FTCDNL1: variants seen among roughly 807,000 people sequenced by gnomAD.
FTCDNL1 encodes the protein formiminotransferase cyclodeaminase N-terminal like.
Under a neutral mutation model 5.9 loss-of-function variants are expected in FTCDNL1, and 11 were observed. The ratio of observed to expected loss-of-function variants is 1.87; its 90% CI spans 1.18 to 3.10. The LOEUF is 3.10. Ranked by LOEUF, FTCDNL1 falls within the 30% of genes most tolerant of loss-of-function variation. The pLI is 0.00. For missense variants in FTCDNL1, 115 were observed against 65.5 expected (o/e 1.76, Z -2.61); for synonymous variants, 58 against 24.8 (o/e 2.34, Z -3.99).
the FTCDNL1 span, among the ~76,000 whole-genome samples, chr2:199,715,222 A>G: frequency 7.2e-5 from 11 of 152,220 alleles, no homozygotes; most frequent in East Asian, 2.1e-3. Context: ...ATTTTGTCTT[A>G]TATATATATG....
At chr2:199,797,816 G>GA (rs1700246256) in intron 3 of FTCDNL1, among the ~76,000 whole-genome samples, 1 of 152,222 alleles carries the variant, frequency 6.6e-6, no homozygotes, top group East Asian at 1.9e-4. Flanking sequence ...AGCCGGGAGA[G>GA]AAAAGCTCCA....
chr2:199,824,726 G>A (rs1479739409), intron 3 of FTCDNL1, among the ~76,000 whole-genome samples: 1 of 152,186 alleles, frequency 6.6e-6, no homozygotes, highest in Admixed American at 6.5e-5. Context: ...GAAGAGAGAT[G>A]GGGGAACAGC....
the FTCDNL1 span, among the ~76,000 whole-genome samples, chr2:199,747,247 G>A: frequency 3.3e-5 from 5 of 152,140 alleles, no homozygotes. Context: ...ATTTTCCTGA[G>A]CTCAAATGTT....
the FTCDNL1 span, among the ~76,000 whole-genome samples, chr2:199,733,344 C>A: frequency 6.6e-6 from 1 of 152,124 alleles, no homozygotes; most frequent in Non-Finnish European, 1.5e-5. Flanking sequence ...TGAAGAGTAC[C>A]ATAGACTGGA....
At chr2:199,829,838 A>G (rs1175621118) in intron 3 of FTCDNL1, among the ~76,000 whole-genome samples, 1 of 152,206 alleles carries the variant, frequency 6.6e-6, no homozygotes, top group Non-Finnish European at 1.5e-5. Flanking sequence ...GAACTTAGAA[A>G]AAAGACCTCA....
chr2:199,752,958 A>G, the FTCDNL1 span, among the ~76,000 whole-genome samples: 1 of 152,110 alleles, frequency 6.6e-6, no homozygotes, highest in Non-Finnish European at 1.5e-5. Flanking sequence ...ACAGCAGTGT[A>G]TCTAATTGGT....
Position 199,846,108 on chromosome 2 carries a change from C to T in FTCDNL1, c.178G>A (p.Val60Ile). ...TCAACAGAAGTTGCTATTGTAATGA[C>T]TGATCTCTTGTAGTCTTGATCGGAA... ...IFSDQDYKRS[V>I]ITIATSVDKL... The change falls in exon 3 of 5, where the codon GTC (valine) becomes ATC (isoleucine). Residue 60 changes from valine (V) to isoleucine (I), a missense_variant. By Grantham distance (29) the Val-to-Ile change is conservative. Transcript: ENST00000420128. 1.4e-6 allele frequency: 1 copy of T among 699,602 alleles called. No homozygotes were observed. The highest frequency in any genetic ancestry group is 2.6e-6 in the Non-Finnish European group (1 of 383,846). The allele number at this position is 699,602 out of a possible 1,614,324, so 43.3% of individuals were successfully genotyped here.
the FTCDNL1 span, among the ~76,000 whole-genome samples, chr2:199,752,940 C>T: frequency 1.3e-5 from 2 of 152,088 alleles, no homozygotes; most frequent in South Asian, 2.1e-4. Flanking sequence ...TAGTTTTTCT[C>T]GTCTGACACA....
chr2:199,810,688 T>G lies in FTCDNL1; in HGVS notation c.*2017A>C, dbSNP rs1700986075. Reference sequence around the variant, plus strand: ...GATGGACAACTTGGTTAAATTAGCATTGGTATAAAAAGCTTACATTTGCAG... The same window carrying G: ...GATGGACAACTTGGTTAAATTAGCAGTGGTATAAAAAGCTTACATTTGCAG... On this transcript the variant is annotated 3_prime_UTR_variant, in exon 5 of 5. Coordinates refer to ENST00000420128, the MANE Select transcript of FTCDNL1 (RefSeq NM_001363886.2). Among the ~76,000 whole-genome samples the G allele has an allele frequency of 1.3e-5, 2 of 152,220 alleles. No homozygotes were observed. Among genetic ancestry groups the G allele is most frequent in the Admixed American group, 6.5e-5 (1 of 15,284 alleles).
At chr2:199,722,276 T>G in the FTCDNL1 span, among the ~76,000 whole-genome samples, 1 of 152,244 alleles carries the variant, frequency 6.6e-6, no homozygotes, top group Non-Finnish European at 1.5e-5. Context: ...CATTTAAGTC[T>G]TTGGTGCATC....
At chr2:199,745,380 C>A in the FTCDNL1 span, among the ~76,000 whole-genome samples, 4 of 152,066 alleles carry the variant, frequency 2.6e-5, no homozygotes, top group Admixed American at 6.5e-5. Flanking sequence ...TCTATTTGTC[C>A]CAAGATGCCT....
At chr2:199,680,910 ACT>A in the FTCDNL1 span, among the ~76,000 whole-genome samples, 7 of 151,744 alleles carry the variant, frequency 4.6e-5, no homozygotes, top group African/African-American at 1.7e-4. Flanking sequence ...TCACCTGCTC[ACT>A]CTCTTTCCTA....
the FTCDNL1 span, among the ~76,000 whole-genome samples, chr2:199,690,013 T>C: frequency 6.6e-6 from 1 of 152,210 alleles, no homozygotes; most frequent in African/African-American, 2.4e-5. Context: ...AGAATTGATA[T>C]GACAATGTTC....
At chr2:199,672,965 G>C in the FTCDNL1 span, among the ~76,000 whole-genome samples, 1 of 152,080 alleles carries the variant, frequency 6.6e-6, no homozygotes, top group South Asian at 2.1e-4. Context: ...GAGTATCAAA[G>C]AATTTGCAGA....
chr2:199,832,570 A>C (rs1436668165), intron 3 of FTCDNL1, among the ~76,000 whole-genome samples: 1 of 152,212 alleles, frequency 6.6e-6, no homozygotes, highest in African/African-American at 2.4e-5. Context: ...AGCTGAAAGC[A>C]CTTCAGACAT....
At chr2:199,716,506 C>T in the FTCDNL1 span, among the ~76,000 whole-genome samples, 1 of 152,076 alleles carries the variant, frequency 6.6e-6, no homozygotes, top group Non-Finnish European at 1.5e-5. Flanking sequence ...ATGAAGAAAA[C>T]GTGGAAGGCA....
downstream of FTCDNL1, among the ~76,000 whole-genome samples, chr2:199,755,637 A>C (rs1306504624): frequency 6.6e-6 from 1 of 152,136 alleles, no homozygotes; most frequent in East Asian, 1.9e-4. Context: ...TGCTGCTGCT[A>C]TTGTTACTTT....
the FTCDNL1 span, among the ~76,000 whole-genome samples, chr2:199,733,144 T>C: frequency 5.3e-5 from 8 of 152,050 alleles, no homozygotes; most frequent in African/African-American, 1.9e-4. Flanking sequence ...CACAGAATGA[T>C]GGAAAGGATG....
At chr2:199,756,319 T>C (rs932327652), downstream of FTCDNL1, among the ~76,000 whole-genome samples, 15 of 152,286 alleles carry the variant, frequency 9.8e-5, no homozygotes, top group Admixed American at 9.8e-4. Flanking sequence ...TCTTCAACGC[T>C]AACTAAGCTA....
Sources: allele counts gnomAD v4.1 joint callset (sites outside exome capture counted in the v4.1 genomes callset), GRCh38; gene constraint gnomAD v4.1.1; transcripts MANE v1.5; gene names NCBI Gene and HGNC (gene_info 2026-07-23, HGNC 2026-07-21).